Variants in RAB27A observed in about 807,000 individuals in gnomAD.
The protein encoded by RAB27A is ras-related protein Rab-27A.
In RAB27A, 17 loss-of-function variants were observed where a neutral mutation model predicts 20.8. The observed-to-expected ratio is 0.82, with a 90% confidence interval of 0.56 to 1.23. RAB27A has a LOEUF of 1.23. Ranked by LOEUF, RAB27A falls within the 50% of genes most tolerant of loss-of-function variation. RAB27A has a pLI of 0.00. For missense variants in RAB27A, 277 were observed against 266.7 expected, an observed-to-expected ratio of 1.04 and a Z score of -0.27; for synonymous variants, 85 against 92.8, an observed-to-expected ratio of 0.92 and a Z score of 0.48.
chr15:55,266,156 C>T (rs1200394352), intron 2 of RAB27A, among the ~76,000 whole-genome samples: 6 of 152,180 alleles, frequency 3.9e-5, no homozygotes, highest in Admixed American at 6.5e-5. Flanking sequence ...GAGGATAGAT[C>T]CTTCATGAAG....
At chr15:55,306,077 C>T (rs1194671354) in intron 2 of RAB27A, among the ~76,000 whole-genome samples, 2 of 152,074 alleles carry the variant, frequency 1.3e-5, no homozygotes, top group Non-Finnish European at 2.9e-5. Context: ...GTACCACAGA[C>T]AAAAAATATT....
intron 2 of RAB27A, among the ~76,000 whole-genome samples, chr15:55,301,843 AC>A (rs978473879): frequency 1.3e-5 from 2 of 151,790 alleles, no homozygotes; most frequent in Non-Finnish European, 2.9e-5. Flanking sequence ...ATAGGGTTTC[AC>A]CGTGTTGGCC....
chr15:55,228,672 C>T lies in RAB27A; in HGVS notation c.280G>A (p.Gly94Ser). 1 of 1,613,774 alleles carries T rather than the reference C, an allele frequency of 6.2e-7. No homozygotes were observed. The highest frequency in any genetic ancestry group is 8.5e-7 in the Non-Finnish European group (1 of 1,179,768). ...GTCAGATCAAAAAGTAGAAGAAAAC[C>T]CATAGCATCTCTGAAGAACGCTGTC... The part of the protein sequence containing the change: ...LTTAFFRDAM[G>S]FLLLFDLTNE... Residue 94 changes from glycine to serine, a missense_variant, in exon 5 of 7, where the codon GGT becomes AGT. Coordinates refer to ENST00000336787, the MANE Select transcript of RAB27A (RefSeq NM_183235.3).
chr15:55,317,682 C>T, intron 1 of RAB27A: 1 of 398,574 alleles, frequency 2.5e-6, no homozygotes, highest in East Asian at 3.6e-5. Context: ...CTTTTAATTC[C>T]TTCTGATCTT....
At chr15:55,275,616 C>T (rs774455529) in intron 1 of RAB27A, among the ~76,000 whole-genome samples, 5 of 151,234 alleles carry the variant, frequency 3.3e-5, no homozygotes, top group Non-Finnish European at 7.4e-5. Flanking sequence ...CAGAATGACA[C>T]TCCACCTCAA....
intron 1 of RAB27A, chr15:55,317,434 C>G: frequency 4.0e-6 from 1 of 250,120 alleles, no homozygotes; most frequent in Non-Finnish European, 7.6e-6. Flanking sequence ...CCTGCCTCAG[C>G]CTCCCAAGTA....
intron 2 of RAB27A, among the ~76,000 whole-genome samples, chr15:55,257,027 G>C (rs1897104477): frequency 6.6e-6 from 1 of 152,160 alleles, no homozygotes; most frequent in Non-Finnish European, 1.5e-5. Context: ...TAAAATAATA[G>C]AACAGAGTTC....
At chr15:55,217,692 A>G (rs1012552905) in intron 6 of RAB27A, among the ~76,000 whole-genome samples, 1 of 147,146 alleles carries the variant, frequency 6.8e-6, no homozygotes, top group Non-Finnish European at 1.5e-5. Flanking sequence ...AAAAAAAAAA[A>G]AAATTCAAGA....
At chr15:55,274,805 T>TAC (rs1407645026) in intron 1 of RAB27A, among the ~76,000 whole-genome samples, 8 of 123,270 alleles carry the variant, frequency 6.5e-5, no homozygotes, top group African/African-American at 2.0e-4. Flanking sequence ...TATATATATA[T>TAC]ATATATATAT....
At chr15:55,229,220 C>T (rs2140974971) in intron 4 of RAB27A, among the ~76,000 whole-genome samples, 1 of 152,208 alleles carries the variant, frequency 6.6e-6, no homozygotes, top group South Asian at 2.1e-4. Flanking sequence ...TCTCCCCACC[C>T]CCAACCCCAC....
chr15:55,311,831 G>C (rs552261942), intron 2 of RAB27A, among the ~76,000 whole-genome samples: 2 of 152,230 alleles, frequency 1.3e-5, no homozygotes, highest in South Asian at 4.1e-4. Flanking sequence ...TCTGCCTTGG[G>C]GGGAACGTTT....
intron 2 of RAB27A, among the ~76,000 whole-genome samples, chr15:55,297,602 G>A (rs180949927): frequency 6.6e-6 from 1 of 152,302 alleles, no homozygotes; most frequent in Non-Finnish European, 1.5e-5. Flanking sequence ...AAACCAGCAT[G>A]GAAGGTACAG....
chr15:55,239,339 G>A (rs1896390337), intron 2 of RAB27A, among the ~76,000 whole-genome samples: 1 of 152,156 alleles, frequency 6.6e-6, no homozygotes, highest in South Asian at 2.1e-4. Context: ...AACTAGAAAT[G>A]TAAAATGACA....
chr15:55,300,256 G>A (rs566038288), intron 2 of RAB27A, among the ~76,000 whole-genome samples: 1 of 152,272 alleles, frequency 6.6e-6, no homozygotes, highest in Admixed American at 6.5e-5. Flanking sequence ...TAATATGCTT[G>A]CGTGTGTGTA....
At chr15:55,261,165 G>A (rs1206778213) in intron 2 of RAB27A, among the ~76,000 whole-genome samples, 3 of 151,614 alleles carry the variant, frequency 2.0e-5, no homozygotes, top group Admixed American at 6.6e-5. Context: ...TTGGGAGGCC[G>A]AGGCGGGTGG....
intron 2 of RAB27A, among the ~76,000 whole-genome samples, chr15:55,255,850 A>T (rs999520877): frequency 5.9e-5 from 9 of 152,288 alleles, no homozygotes; most frequent in Middle Eastern, 3.4e-3. Flanking sequence ...CGTCTGGTAC[A>T]CCATGTGCAC....
intron 6 of RAB27A, among the ~76,000 whole-genome samples, chr15:55,210,415 T>TG (rs1411763017): frequency 6.9e-6 from 1 of 145,362 alleles, no homozygotes; most frequent in African/African-American, 2.7e-5. Context: ...AGGTGTGGTT[T>TG]TTTTTTTTTT....
At chr15:55,246,448 G>C (rs1257503737) in intron 2 of RAB27A, among the ~76,000 whole-genome samples, 1 of 151,188 alleles carries the variant, frequency 6.6e-6, no homozygotes, top group Non-Finnish European at 1.5e-5. Context: ...TGAAACCATT[G>C]ACTTCATTTA....
intron 2 of RAB27A, among the ~76,000 whole-genome samples, chr15:55,313,105 A>G (rs1200671159): frequency 6.6e-6 from 1 of 152,196 alleles, no homozygotes; most frequent in Non-Finnish European, 1.5e-5. Context: ...AATTTTTATA[A>G]CTACTTTTAA....
Sources: allele counts gnomAD v4.1 joint callset (sites outside exome capture counted in the v4.1 genomes callset), GRCh38; gene constraint gnomAD v4.1.1; transcripts MANE v1.5; gene names NCBI Gene and HGNC (gene_info 2026-07-23, HGNC 2026-07-21).